TMEM178B: variants seen among roughly 807,000 people sequenced by gnomAD.
TMEM178B encodes transmembrane protein 178B.
A neutral mutation model predicts 31.0 loss-of-function variants in TMEM178B; 5 were observed. The ratio of observed to expected loss-of-function variants is 0.16; its 90% CI spans 0.08 to 0.34. TMEM178B has a LOEUF of 0.34. Among genes scored for constraint, TMEM178B ranks in the 10% least tolerant of loss-of-function variants. TMEM178B has a pLI of 1.00. For missense variants in TMEM178B, 275 were observed against 400.3 expected (o/e 0.69, Z 2.67); for synonymous variants, 164 against 164.0 (o/e 1.00, Z 0.00).
intron 2 of TMEM178B, among the ~76,000 whole-genome samples, chr7:141,296,192 C>T (rs903142824): frequency 2.0e-5 from 3 of 152,000 alleles, no homozygotes; most frequent in Admixed American, 6.6e-5. Flanking sequence ...CTCAGGCTCC[C>T]GAGTAGCTGG....
intron 1 of TMEM178B, among the ~76,000 whole-genome samples, chr7:141,152,951 C>CT (rs1323275957): frequency 2.6e-5 from 4 of 152,088 alleles, no homozygotes; most frequent in Non-Finnish European, 4.4e-5. Context: ...TACCAGAATC[C>CT]TTTTTTCAAC....
intron 2 of TMEM178B, among the ~76,000 whole-genome samples, chr7:141,338,204 T>A (rs1210382201): frequency 5.3e-5 from 8 of 152,212 alleles, no homozygotes; most frequent in African/African-American, 1.9e-4. Flanking sequence ...AATAGAGGTA[T>A]AACAAAGGGA....
In TMEM178B at chr7:141,080,316, C is replaced by T. The variant is rs1031115949; in HGVS notation, c.382+5624C>T. On this transcript the variant is annotated intron_variant, in intron 1 of 3. Transcript: ENST00000565468. ...AAGCTTACATTCCAGAGGGGAGAGA[C>T]GGACAATAAATAAATACTCCACGGC... Among the ~76,000 whole-genome samples, 25 of 152,072 alleles carry T rather than the reference C, an allele frequency of 1.6e-4. 1 individual carries two copies. Among genetic ancestry groups the T allele is most frequent in the Admixed American group, 1.6e-3 (25 of 15,264 alleles).
chr7:141,308,853 A>G (rs866119565), intron 2 of TMEM178B, among the ~76,000 whole-genome samples: 1 of 152,194 alleles, frequency 6.6e-6, no homozygotes, highest in African/African-American at 2.4e-5. Context: ...CTTTGTTGTA[A>G]TTGGCCACCT....
rs76934322 is a variant in TMEM178B, at chr7:141,173,413, T to C, written c.383-39178T>C. Among the ~76,000 whole-genome samples the C allele has an allele frequency of 6.0e-4, 92 of 152,296 alleles. No homozygotes were observed. The East Asian group carries it at 6.8e-3, about 11-fold the overall frequency. The stretch of plus-strand genomic sequence containing the variant: ...ATACAAAATGTTATGGAAACAGAGT[T>C]GAACGAGTCAGTTACTCCCTGACCA... On this transcript the variant is annotated intron_variant, in intron 1 of 3. Coordinates refer to ENST00000565468, the MANE Select transcript of TMEM178B (RefSeq NM_001195278.2).
rs543813097 is a variant in TMEM178B, at chr7:141,215,147, G to A, written c.496+2443G>A. Among the ~76,000 whole-genome samples the A allele has an allele frequency of 2.6e-5, 4 of 151,988 alleles. No homozygotes were observed. In the South Asian group the frequency reaches 8.3e-4, roughly 32 times the overall value. ...ATTGATGACATTAGGTGGGAAGTAGGCACATAAGCCCCCTTTAAAATAAAG... is the reference window on the plus strand; with the variant it reads ...ATTGATGACATTAGGTGGGAAGTAGACACATAAGCCCCCTTTAAAATAAAG... On this transcript the variant is annotated intron_variant, in intron 2 of 3. Coordinates refer to ENST00000565468, the MANE Select transcript of TMEM178B (RefSeq NM_001195278.2).
intron 2 of TMEM178B, among the ~76,000 whole-genome samples, chr7:141,312,064 T>G (rs1251975133): frequency 6.6e-6 from 1 of 152,256 alleles, no homozygotes; most frequent in African/African-American, 2.4e-5. Flanking sequence ...TGGCCTCTAC[T>G]CTGTAAGACC....
At chr7:141,465,913 C>T (rs1218072261) in intron 3 of TMEM178B, among the ~76,000 whole-genome samples, 2 of 152,122 alleles carry the variant, frequency 1.3e-5, no homozygotes, top group African/African-American at 2.4e-5. Flanking sequence ...GTCCCAGCTA[C>T]TAGGGAGGCT....
chr7:141,237,865 A>C (rs538241005), intron 2 of TMEM178B, among the ~76,000 whole-genome samples: 46 of 152,102 alleles, frequency 3.0e-4, no homozygotes, highest in Non-Finnish European at 6.2e-4. Flanking sequence ...CTCTACCAAA[A>C]TACAAAAATT....
At chr7:141,209,949 C>T (rs1259885947) in intron 1 of TMEM178B, among the ~76,000 whole-genome samples, 2 of 152,080 alleles carry the variant, frequency 1.3e-5, no homozygotes, top group Non-Finnish European at 2.9e-5. Context: ...GGACTTTATG[C>T]CTGAGGAGTG....
intron 2 of TMEM178B, among the ~76,000 whole-genome samples, chr7:141,330,659 T>C (rs895921482): frequency 1.3e-5 from 2 of 152,100 alleles, no homozygotes; most frequent in African/African-American, 4.8e-5. Flanking sequence ...AAGTGAAAGG[T>C]AGATCAGTAG....
At chr7:141,383,850 C>T (rs985357215) in intron 2 of TMEM178B, among the ~76,000 whole-genome samples, 6 of 152,166 alleles carry the variant, frequency 3.9e-5, no homozygotes, top group African/African-American at 1.4e-4. Context: ...TAAAAGTGTT[C>T]CTATTTCTCT....
intron 2 of TMEM178B, among the ~76,000 whole-genome samples, chr7:141,262,061 A>G (rs1798022074): frequency 6.6e-6 from 1 of 152,148 alleles, no homozygotes; most frequent in African/African-American, 2.4e-5. Flanking sequence ...AGATAAAATA[A>G]CTGTTCACAA....
intron 1 of TMEM178B, among the ~76,000 whole-genome samples, chr7:141,208,363 C>G (rs923723945): frequency 6.6e-6 from 1 of 152,154 alleles, no homozygotes; most frequent in Non-Finnish European, 1.5e-5. Flanking sequence ...GTCCTTCCTT[C>G]CAGGTAGCCC....
chr7:141,382,471 A>G (rs1019806421), intron 2 of TMEM178B, among the ~76,000 whole-genome samples: 2 of 152,230 alleles, frequency 1.3e-5, no homozygotes, highest in African/African-American at 4.8e-5. Flanking sequence ...CATAAATTAC[A>G]GTTTCTGCAC....
At chr7:141,138,900 T>C (rs1586790708) in intron 1 of TMEM178B, among the ~76,000 whole-genome samples, 1 of 151,494 alleles carries the variant, frequency 6.6e-6, no homozygotes, top group East Asian at 1.9e-4. Context: ...AGGAGAATGG[T>C]GTGAACCCGG....
chr7:141,156,748 C>T (rs1396787643), intron 1 of TMEM178B, among the ~76,000 whole-genome samples: 1 of 152,208 alleles, frequency 6.6e-6, no homozygotes, highest in African/African-American at 2.4e-5. Context: ...CCTCTCTTTT[C>T]TTGCAGCCTG....
intron 1 of TMEM178B, among the ~76,000 whole-genome samples, chr7:141,110,613 C>T (rs991242389): frequency 1.3e-5 from 2 of 152,208 alleles, no homozygotes; most frequent in African/African-American, 4.8e-5. Flanking sequence ...AGGGTAATGC[C>T]TGGCACATAG....
rs550187614 is a variant in TMEM178B, at chr7:141,463,284, G to A, written c.635-7252G>A. On this transcript the variant is annotated intron_variant, in intron 3 of 3. Coordinates refer to ENST00000565468, the MANE Select transcript of TMEM178B (RefSeq NM_001195278.2). ...GAGTCTGAGGTCCCTTCCAGAACCA[G>A]CAGGAAGAGGGTTGAGATCAATTTG... is the stretch of plus-strand genomic sequence containing the variant. 6.6e-5 allele frequency among the ~76,000 whole-genome samples: 10 copies of A among 152,332 alleles called. No individual in the cohort carries two copies. The South Asian group carries it at 1.7e-3, about 25-fold the overall frequency.
Sources: gnomAD v4.1 joint callset for allele counts (sites outside exome capture counted in the v4.1 genomes callset) on GRCh38, gnomAD v4.1.1 for gene constraint, MANE v1.5 for transcripts, NCBI Gene and HGNC (gene_info 2026-07-23, HGNC 2026-07-21) for gene names.